Variants in MYOC observed in about 807,000 individuals in gnomAD.
MYOC encodes the protein juvenile-onset open-angle glaucoma 1.
In MYOC, 29 loss-of-function variants were observed where a neutral mutation model predicts 28.2. The observed-to-expected ratio is 1.03, with a 90% confidence interval of 0.77 to 1.40. MYOC has a LOEUF of 1.40. MYOC is among the 40% of genes most tolerant of loss of function. The pLI is 0.00. For missense variants in MYOC, 569 were observed against 620.6 expected, an observed-to-expected ratio of 0.92 and a Z score of 0.88; for synonymous variants, 240 against 245.6, an observed-to-expected ratio of 0.98 and a Z score of 0.21.
At chr1:171,640,082 TA>T (rs57155423) in intron 1 of MYOC, among the ~76,000 whole-genome samples, 103,508 of 146,422 alleles carry the variant, frequency 0.71, 36,473 homozygotes, top group South Asian at 0.78. Context: ...AGACTCCTGT[TA>T]AAAAAAAAAA....
chr1:171,636,238 A>G lies in MYOC; in HGVS notation c.1202T>C (p.Ile401Thr), dbSNP rs1474206328. The change falls in exon 3 of 3, where the codon ATT (isoleucine) becomes ACT (threonine). Residue 401 changes from isoleucine (I) to threonine (T), a missense_variant. By Grantham distance (89) the Ile-to-Thr change is moderately conservative. Transcript: ENST00000037502. The part of the protein sequence containing the change: ...IYSTDEAKGA[I>T]VLSKLNPENL... ...CTCTGGGTTCAGTTTGGAGAGGACA[A>G]TGGCACCTTTGGCCTCATCGGTGCT... is the stretch of plus-strand genomic sequence containing the variant. 1 of 1,614,114 alleles carries G rather than the reference A, an allele frequency of 6.2e-7. No individual in the cohort carries two copies. Among genetic ancestry groups the G allele is most frequent in the Admixed American group, 1.7e-5 (1 of 60,020 alleles).
chr1:171,645,219 C>T (rs988519303), intron 1 of MYOC, among the ~76,000 whole-genome samples: 1 of 152,158 alleles, frequency 6.6e-6, no homozygotes, highest in Non-Finnish European at 1.5e-5. Flanking sequence ...GGACCCAGAG[C>T]GAAGTTCTTC....
Position 171,635,879 on chromosome 1 carries a change from C to G in MYOC, c.*46G>C, listed in dbSNP as rs1310594378. 6.2e-7 allele frequency: 1 copy of G among 1,605,198 alleles called. No individual in the cohort carries two copies. The highest frequency in any genetic ancestry group is 1.1e-5 in the South Asian group (1 of 90,242). On this transcript the variant is annotated 3_prime_UTR_variant, in exon 3 of 3. Coordinates refer to ENST00000037502, the MANE Select transcript of MYOC (RefSeq NM_000261.2). ...CCCTTCAGCCTGCTCCCCCCAGGAGCCCTGAGCATCTCCTTCTGCCATTGC... is the reference window on the plus strand; with the variant it reads ...CCCTTCAGCCTGCTCCCCCCAGGAGGCCTGAGCATCTCCTTCTGCCATTGC...
rs1278320663 is a variant in MYOC, at chr1:171,635,819, A to G, written c.*106T>C. On this transcript the variant is annotated 3_prime_UTR_variant, in exon 3 of 3. Coordinates refer to ENST00000037502, the MANE Select transcript of MYOC (RefSeq NM_000261.2). Reference sequence around the variant, plus strand: ...CTGGATTAATGAAAACTTGGAAAGCAGTCAAAGCTGCCTGGGCCCTGGCTG... The same window carrying G: ...CTGGATTAATGAAAACTTGGAAAGCGGTCAAAGCTGCCTGGGCCCTGGCTG... The G allele has an allele frequency of 8.5e-7, 1 of 1,170,874 alleles. No individual in the cohort carries two copies. The highest frequency in any genetic ancestry group is 1.2e-6 in the Non-Finnish European group (1 of 805,342). 72.5% of individuals were successfully genotyped at this position (1,170,874 alleles called of 1,614,324 possible). A position where few individuals can be genotyped will look rare whatever the true frequency, so the allele number is the denominator to read the frequency against.
chr1:171,648,212 G>A (rs1653250106), intron 1 of MYOC, among the ~76,000 whole-genome samples: 1 of 150,824 alleles, frequency 6.6e-6, no homozygotes, highest in Non-Finnish European at 1.5e-5. Context: ...AAATCAGTCT[G>A]CAAGAACAAA....
chr1:171,639,997 C>T, intron 1 of MYOC, among the ~76,000 whole-genome samples: 1 of 138,644 alleles, frequency 7.2e-6, no homozygotes, highest in Admixed American at 7.5e-5. Flanking sequence ...TGTCTGTAAT[C>T]CCAGCACTTT....
chr1:171,645,166 G>A (rs1015455136), intron 1 of MYOC, among the ~76,000 whole-genome samples: 2 of 152,178 alleles, frequency 1.3e-5, no homozygotes, highest in South Asian at 2.1e-4. Context: ...GTCCATAGGT[G>A]GTATGACTGT....
chr1:171,638,745 A>C (rs1333978237), intron 1 of MYOC, 23 bp from the exon 2 acceptor site: 1 of 1,613,202 alleles, frequency 6.2e-7, no homozygotes. Context: ...AAAGAGACAA[A>C]ATTTTACTGT....
intron 1 of MYOC, 160 bp from the exon 2 acceptor site, chr1:171,638,882 T>A: frequency 1.5e-6 from 1 of 677,256 alleles, no homozygotes; most frequent in Non-Finnish European, 2.5e-6. Flanking sequence ...TCACCTGAGG[T>A]CAGGAGTTCG....
In MYOC at chr1:171,635,726, T is replaced by A; in HGVS notation, c.*199A>T. 1 of 611,056 alleles carries A rather than the reference T, an allele frequency of 1.6e-6. No homozygotes were observed. The highest frequency in any genetic ancestry group is 2.9e-6 in the Non-Finnish European group (1 of 346,310). 37.9% of individuals were successfully genotyped at this position (611,056 alleles called of 1,614,324 possible). A position where few individuals can be genotyped will look rare whatever the true frequency, so the allele number is the denominator to read the frequency against. On this transcript the variant is annotated 3_prime_UTR_variant, in exon 3 of 3. Transcript: ENST00000037502. ...CTGACAGAAGATAAAGGATATTTAT[T>A]ATATGAAATTGTCTACGCCCTCAGA...
intron 1 of MYOC, among the ~76,000 whole-genome samples, chr1:171,643,662 C>T (rs1446697185): frequency 6.6e-6 from 1 of 152,144 alleles, no homozygotes; most frequent in African/African-American, 2.4e-5. Context: ...TCTTTTCTTT[C>T]ATTGTCTCAA....
In MYOC at chr1:171,636,120, G is replaced by T. The variant is rs1652913073; in HGVS notation, c.1320C>A (p.Ser440Arg). 6.2e-7 allele frequency: 1 copy of T among 1,614,202 alleles called. No individual in the cohort carries two copies. Among genetic ancestry groups the T allele is most frequent in the Non-Finnish European group, 8.5e-7 (1 of 1,180,036 alleles). ...FIICGTLYTV[S>R]SYTSADATVN... ...CGGTAGCATCTGCTGAGGTGTAGCT[G>T]CTGACGGTGTACAAGGTGCCACAGA... Residue 440 changes from serine (S) to arginine (R), a missense_variant, in exon 3 of 3, where the codon AGC becomes AGA. Physicochemically the swap from Ser to Arg is moderately radical, Grantham distance 110. Transcript: ENST00000037502.
At chr1:171,643,634 C>A (rs1653131893) in intron 1 of MYOC, among the ~76,000 whole-genome samples, 1 of 152,154 alleles carries the variant, frequency 6.6e-6, no homozygotes, top group Admixed American at 6.5e-5. Context: ...CAGACTCTGC[C>A]TCAGGACAAC....
Position 171,638,831 on chromosome 1 carries a change from T to C in MYOC, c.605-109A>G, listed in dbSNP as rs932102765. Reference sequence around the variant, plus strand: ...GCTGCCGGCCAGGCGTGGTGGCTCATGCCTGTAATCCCAGCACTTTGGGAG... The same window carrying C: ...GCTGCCGGCCAGGCGTGGTGGCTCACGCCTGTAATCCCAGCACTTTGGGAG... On this transcript the variant is annotated intron_variant, in intron 1 of 2. Coordinates refer to ENST00000037502, the MANE Select transcript of MYOC (RefSeq NM_000261.2). The C allele has an allele frequency of 2.4e-5, 30 of 1,268,120 alleles. No homozygotes were observed. The African/African-American group carries it at 3.8e-4, about 16-fold the overall frequency. The allele number at this position is 1,268,120 out of a possible 1,614,324, so 78.6% of individuals were successfully genotyped here. A position where few individuals can be genotyped will look rare whatever the true frequency, so the allele number is the denominator to read the frequency against.
At chr1:171,637,243 GT>G (rs1307988454) in intron 2 of MYOC, among the ~76,000 whole-genome samples, 1 of 152,226 alleles carries the variant, frequency 6.6e-6, no homozygotes, top group African/African-American at 2.4e-5. Context: ...TTCATGCCTG[GT>G]TTATTTCATT....
Position 171,652,688 on chromosome 1 carries a change from C to G in MYOC, c.-77G>C. On this transcript the variant is annotated 5_prime_UTR_variant, in exon 1 of 3. Coordinates refer to ENST00000037502, the MANE Select transcript of MYOC (RefSeq NM_000261.2). The stretch of plus-strand genomic sequence containing the variant: ...GCCTGGATGGGTGGCCTTGCTGGCT[C>G]ATGCCCGAGCTCCAGAGAGGTTTAT... The G allele has an allele frequency of 6.2e-7, 1 of 1,600,894 alleles. No homozygotes were observed. The highest frequency in any genetic ancestry group is 8.5e-7 in the Non-Finnish European group (1 of 1,175,016).
rs773309469 is a variant in MYOC at position 171,652,596 on chromosome 1, C to T, written c.16G>A (p.Ala6Thr). The change falls in exon 1 of 3, where the codon GCA (alanine) becomes ACA (threonine). Residue 6 changes from alanine to threonine, a missense_variant. Transcript: ENST00000037502. MRFFC[A>T]RCCSFGPEMP... The stretch of plus-strand genomic sequence containing the variant: ...TCAGGCCCAAAGCTGCAGCAACGTG[C>T]ACAGAAGAACCTCATTGCAGAGGCT... 6.2e-7 allele frequency: 1 copy of T among 1,614,206 alleles called. No individual in the cohort carries two copies. The highest frequency in any genetic ancestry group is 8.5e-7 in the Non-Finnish European group (1 of 1,180,050).
chr1:171,652,674 T>C lies in MYOC; in HGVS notation c.-63A>G. On this transcript the variant is annotated 5_prime_UTR_variant, in exon 1 of 3. Transcript: ENST00000037502. ...CTGTGCTGAGAGGTGCCTGGATGGG[T>C]GGCCTTGCTGGCTCATGCCCGAGCT... The C allele has an allele frequency of 6.2e-7, 1 of 1,608,162 alleles. No homozygotes were observed. The highest frequency in any genetic ancestry group is 8.5e-7 in the Non-Finnish European group (1 of 1,178,644).
In MYOC at chr1:171,652,230, G is replaced by C. The variant is rs200971340; in HGVS notation, c.382C>G (p.Arg128Gly). 1.4e-5 allele frequency: 23 copies of C among 1,614,000 alleles called. No individual in the cohort carries two copies. The highest frequency in any genetic ancestry group is 1.9e-5 in the Non-Finnish European group (23 of 1,180,022). The change falls in exon 1 of 3, where the codon CGG becomes GGG. Residue 128 changes from arginine to glycine, a missense_variant. By Grantham distance (125) the Arg-to-Gly change is moderately radical. Transcript: ENST00000037502. ...CTGGTTTGGGTTTCCAGCTGGTCCC[G>C]CTCCCGCCTCAGGGTGCCCAGCTCC... ...QRELGTLRRE[R>G]DQLETQTREL...
Sources: gnomAD v4.1 joint callset for allele counts (sites outside exome capture counted in the v4.1 genomes callset) on GRCh38, gnomAD v4.1.1 for gene constraint, MANE v1.5 for transcripts, NCBI Gene and HGNC (gene_info 2026-07-23, HGNC 2026-07-21) for gene names.